The following TBC1D22A variants were observed in gnomAD, a reference collection of about 807,000 sequenced individuals.
TBC1D22A encodes TBC1 domain family member 22A, also known as putative GTPase activator.
In TBC1D22A, 38 loss-of-function variants were observed where a neutral mutation model predicts 60.2. The ratio of observed to expected loss-of-function variants is 0.63; its 90% CI spans 0.49 to 0.83. TBC1D22A has a LOEUF of 0.83. Among genes scored for constraint, TBC1D22A ranks in the 40% least tolerant of loss-of-function variants. The pLI, the probability that TBC1D22A is intolerant of heterozygous loss-of-function variation, is 0.00. For missense variants in TBC1D22A, 628 were observed against 701.0 expected, an observed-to-expected ratio of 0.90 and a Z score of 1.18; for synonymous variants, 302 against 281.7, an observed-to-expected ratio of 1.07 and a Z score of -0.72.
At chr22:47,086,754 C>A (rs2064708976) in intron 11 of TBC1D22A, among the ~76,000 whole-genome samples, 1 of 152,290 alleles carries the variant, frequency 6.6e-6, no homozygotes, top group South Asian at 2.1e-4. Flanking sequence ...CACAGTGCGG[C>A]AGCAGGGCGG....
At chr22:46,978,221 T>C (rs929943565) in intron 9 of TBC1D22A, among the ~76,000 whole-genome samples, 1 of 152,240 alleles carries the variant, frequency 6.6e-6, no homozygotes, top group Non-Finnish European at 1.5e-5. Flanking sequence ...CTGTGTGCCT[T>C]GGGACTCTGC....
chr22:46,941,208 T>TATATGTATACACACACAC (rs1555959657), intron 8 of TBC1D22A, among the ~76,000 whole-genome samples: 2 of 84,848 alleles, frequency 2.4e-5, no homozygotes, highest in African/African-American at 9.8e-5. Flanking sequence ...TATATATGTA[T>TATATGTATACACACACAC]ACACACACAC....
intron 12 of TBC1D22A, among the ~76,000 whole-genome samples, chr22:47,146,777 C>T (rs566386299): frequency 6.1e-4 from 93 of 152,298 alleles, no homozygotes; most frequent in African/African-American, 1.5e-3. Context: ...GAGGATGGGA[C>T]GCCAGGGCTG....
At chr22:47,030,403 G>A (rs952789745) in intron 10 of TBC1D22A, among the ~76,000 whole-genome samples, 1 of 152,198 alleles carries the variant, frequency 6.6e-6, no homozygotes. Flanking sequence ...GGGACACAAT[G>A]TGCTTGCATA....
At chr22:46,965,128 G>A (rs1443450828) in intron 8 of TBC1D22A, among the ~76,000 whole-genome samples, 1 of 152,256 alleles carries the variant, frequency 6.6e-6, no homozygotes, top group East Asian at 1.9e-4. Flanking sequence ...AGAGCAGCAA[G>A]CTCTTCCAGT....
rs138569044 is a variant in TBC1D22A, at chr22:47,056,029, G to A, written c.1329+18831G>A. On this transcript the variant is annotated intron_variant, in intron 11 of 12. Transcript: ENST00000337137. ...GACTGTTGGACTGAGCAGGGCTCCC[G>A]TCATCAGGCTTCATTACTTGCTTGA... Among the ~76,000 whole-genome samples the A allele has an allele frequency of 4.6e-4, 70 of 152,284 alleles. 1 individual carries two copies. The East Asian group carries it at 0.01, about 22-fold the overall frequency.
chr22:46,984,405 A>AAAAAAAAAAAAAAAAAAAAAAAG (rs1569304186), intron 9 of TBC1D22A, among the ~76,000 whole-genome samples: 1 of 135,244 alleles, frequency 7.4e-6, no homozygotes, highest in Non-Finnish European at 1.6e-5. Flanking sequence ...AAAAAAAAAA[A>AAAAAAAAAAAAAAAAAAAAAAAG]AGAGAAGTTC....
At chr22:46,886,008 C>T (rs192777088) in intron 5 of TBC1D22A, among the ~76,000 whole-genome samples, 9 of 151,436 alleles carry the variant, frequency 5.9e-5, no homozygotes, top group South Asian at 4.2e-4. Context: ...CCCAGGTTCA[C>T]GCCATTCTCC....
At chr22:46,820,739 C>A (rs746516085) in intron 4 of TBC1D22A, among the ~76,000 whole-genome samples, 2 of 152,154 alleles carry the variant, frequency 1.3e-5, no homozygotes, top group Non-Finnish European at 2.9e-5. Flanking sequence ...TAGACATCTA[C>A]GAGGTCCACT....
At chr22:46,964,428 C>G (rs1479027692) in intron 8 of TBC1D22A, among the ~76,000 whole-genome samples, 1 of 152,186 alleles carries the variant, frequency 6.6e-6, no homozygotes, top group Non-Finnish European at 1.5e-5. Context: ...GGGAAGGACC[C>G]TCTTTGTTAA....
intron 10 of TBC1D22A, among the ~76,000 whole-genome samples, chr22:47,003,642 T>C (rs1278301851): frequency 2.0e-5 from 2 of 101,074 alleles, no homozygotes; most frequent in Non-Finnish European, 3.8e-5. Flanking sequence ...TACACACACC[T>C]ACAGATGCAC....
chr22:46,852,880 C>T (rs1374976922), intron 4 of TBC1D22A, among the ~76,000 whole-genome samples: 3 of 152,182 alleles, frequency 2.0e-5, no homozygotes, highest in South Asian at 2.1e-4. Context: ...ATGTCACTGG[C>T]GTTTTCTGCA....
rs73168465 is a variant in TBC1D22A, at chr22:47,017,505, G to A, written c.1202-19566G>A. Among the ~76,000 whole-genome samples the A allele has an allele frequency of 7.3e-3, 1,112 of 152,156 alleles. 6 individuals are homozygous for A. The highest frequency in any genetic ancestry group is 0.012 in the Non-Finnish European group (804 of 68,008). On this transcript the variant is annotated intron_variant, in intron 10 of 12. Transcript: ENST00000337137. Reference sequence around the variant, plus strand: ...GGCGGCAGAATGCTGGCGAGGAGGTGGGCTCTGGGCACACCCAGCGGCTTC... The same window carrying A: ...GGCGGCAGAATGCTGGCGAGGAGGTAGGCTCTGGGCACACCCAGCGGCTTC...
At chr22:47,039,051 C>T (rs533044656) in intron 11 of TBC1D22A, among the ~76,000 whole-genome samples, 3 of 152,242 alleles carry the variant, frequency 2.0e-5, no homozygotes, top group African/African-American at 4.8e-5. Flanking sequence ...TAATACTGTC[C>T]CCATTACGAA....
At chr22:46,789,285 C>T (rs1204032854) in intron 1 of TBC1D22A, 2 of 359,448 alleles carry the variant, frequency 5.6e-6, no homozygotes, top group African/African-American at 2.2e-5. Context: ...GCCACCAAGC[C>T]CGGCTAATTT....
intron 8 of TBC1D22A, among the ~76,000 whole-genome samples, chr22:46,920,667 A>AT (rs2070700255): frequency 6.6e-6 from 1 of 152,148 alleles, no homozygotes; most frequent in African/African-American, 2.4e-5. Flanking sequence ...GTTGAATTGG[A>AT]TCCCTACAGA....
intron 10 of TBC1D22A, among the ~76,000 whole-genome samples, chr22:47,026,143 A>G (rs1468865283): frequency 2.0e-5 from 3 of 152,256 alleles, no homozygotes; most frequent in Admixed American, 6.5e-5. Context: ...AATCACATCT[A>G]TATATGCAGA....
At chr22:47,150,432 G>C (rs528168912) in intron 12 of TBC1D22A, among the ~76,000 whole-genome samples, 1 of 152,164 alleles carries the variant, frequency 6.6e-6, no homozygotes, top group South Asian at 2.1e-4. Context: ...CACCCTGTGT[G>C]CTCCCATCTC....
chr22:47,069,158 C>T (rs1409780570), intron 11 of TBC1D22A, among the ~76,000 whole-genome samples: 2 of 152,100 alleles, frequency 1.3e-5, no homozygotes, highest in Non-Finnish European at 2.9e-5. Flanking sequence ...TCTAATAATA[C>T]CACAAAAGTT....
Sources: gnomAD v4.1 joint callset for allele counts (sites outside exome capture counted in the v4.1 genomes callset) on GRCh38, gnomAD v4.1.1 for gene constraint, MANE v1.5 for transcripts, NCBI Gene and HGNC (gene_info 2026-07-23, HGNC 2026-07-21) for gene names.